Variants in WWOX observed in about 807,000 individuals in gnomAD.
WWOX encodes the protein WW domain containing oxidoreductase.
WWOX carries 69 observed loss-of-function variants against 46.2 expected under a neutral mutation model. The ratio of observed to expected loss-of-function variants is 1.49; its 90% CI spans 1.23 to 1.82. The LOEUF (loss-of-function observed/expected upper bound fraction) is 1.82. Ranked by LOEUF, WWOX falls within the 40% of genes most tolerant of loss-of-function variation. WWOX has a pLI of 0.00. For synonymous variants in WWOX, 359 were observed against 202.6 expected (o/e 1.77, Z -6.56); for missense variants, 919 against 542.6 (o/e 1.69, Z -6.89).
chr16:78,490,496 C>A (rs2084754650), intron 8 of WWOX, among the ~76,000 whole-genome samples: 1 of 152,140 alleles, frequency 6.6e-6, no homozygotes, highest in Non-Finnish European at 1.5e-5. Context: ...ACGGTTTTCA[C>A]AAGGAGGTCA....
intron 8 of WWOX, among the ~76,000 whole-genome samples, chr16:79,127,725 C>T (rs1003380042): frequency 2.6e-5 from 4 of 152,162 alleles, no homozygotes; most frequent in Admixed American, 6.5e-5. Flanking sequence ...TTTACATTCC[C>T]ACTAAGCAAC....
intron 6 of WWOX, among the ~76,000 whole-genome samples, chr16:78,405,410 C>A (rs751180293): frequency 3.3e-5 from 5 of 152,186 alleles, no homozygotes; most frequent in African/African-American, 4.8e-5. Flanking sequence ...TGGTGTCTGT[C>A]AAATTGTCGA....
chr16:78,927,130 G>A (rs1198784233), intron 8 of WWOX, among the ~76,000 whole-genome samples: 2 of 152,200 alleles, frequency 1.3e-5, no homozygotes, highest in Non-Finnish European at 2.9e-5. Flanking sequence ...AAGTCACTGT[G>A]ATGGTTTCTC....
intron 8 of WWOX, among the ~76,000 whole-genome samples, chr16:78,567,245 T>G (rs1051274908): frequency 2.0e-5 from 3 of 152,272 alleles, no homozygotes. Context: ...GCTCTTCCAC[T>G]GCCAAGAAGT....
chr16:78,495,142 G>GTTTTTTTTTTTTT (rs1567605681), intron 8 of WWOX, among the ~76,000 whole-genome samples: 1 of 46,918 alleles, frequency 2.1e-5, no homozygotes. Context: ...AGACTGTTGT[G>GTTTTTTTTTTTTT]TTCTTTTTTT....
chr16:78,914,066 A>T (rs2045182187), intron 8 of WWOX, among the ~76,000 whole-genome samples: 1 of 152,050 alleles, frequency 6.6e-6, no homozygotes, highest in African/African-American at 2.4e-5. Flanking sequence ...CTGCATTTGG[A>T]AATGGAGTAT....
chr16:78,740,929 T>C (rs552958989), intron 8 of WWOX, among the ~76,000 whole-genome samples: 5 of 152,160 alleles, frequency 3.3e-5, no homozygotes, highest in South Asian at 4.1e-4. Context: ...TAAGAGTTTA[T>C]TTTTTCACTA....
intron 8 of WWOX, among the ~76,000 whole-genome samples, chr16:79,171,940 G>A (rs773476773): frequency 3.9e-5 from 6 of 152,158 alleles, no homozygotes; most frequent in African/African-American, 4.8e-5. Flanking sequence ...CCTGCATTTC[G>A]ATATACGCAT....
intron 4 of WWOX, chr16:78,123,428 G>GTTTTTTTTTTTTTTTTTTTTTT (rs1330107026): frequency 1.6e-5 from 1 of 61,050 alleles, no homozygotes; most frequent in South Asian, 4.9e-4. Flanking sequence ...TTTTTTCTTT[G>GTTTTTTTTTTTTTTTTTTTTTT]TTTTTTGTTT....
At chr16:78,538,568 C>T (rs777554697) in intron 8 of WWOX, among the ~76,000 whole-genome samples, 1 of 152,176 alleles carries the variant, frequency 6.6e-6, no homozygotes, top group Non-Finnish European at 1.5e-5. Context: ...AACTCCTGAA[C>T]TGCTCATTCT....
At chr16:78,953,258 A>G (rs1330806354) in intron 8 of WWOX, among the ~76,000 whole-genome samples, 1 of 149,338 alleles carries the variant, frequency 6.7e-6, no homozygotes, top group Non-Finnish European at 1.5e-5. Flanking sequence ...ATATAGGATA[A>G]TAGATTTCTA....
At chr16:78,757,032 C>G (rs116332890) in intron 8 of WWOX, 38 of 702,744 alleles carry the variant, frequency 5.4e-5, no homozygotes, top group African/African-American at 3.1e-4. Flanking sequence ...GAACCACGTT[C>G]GAAGTTGATT....
intron 5 of WWOX, among the ~76,000 whole-genome samples, chr16:78,342,603 C>A (rs1192674059): frequency 1.7e-5 from 2 of 120,440 alleles, no homozygotes; most frequent in East Asian, 3.9e-4. Context: ...AGCCCAGAAG[C>A]ATGACTTCCA....
At position 78,935,567 on chromosome 16, in the gene WWOX, G is replaced by A. The variant is rs952718927; in HGVS notation, c.1057-276041G>A. 6.0e-5 allele frequency among the ~76,000 whole-genome samples: 9 copies of A among 150,176 alleles called. No individual in the cohort carries two copies. The East Asian group carries it at 1.6e-3, about 26-fold the overall frequency. The stretch of plus-strand genomic sequence containing the variant: ...TGGGAATTGAACAATGAGAACACTT[G>A]GACACAGGAAGGGGAACATCACACA... On this transcript the variant is annotated intron_variant, in intron 8 of 8. Transcript: ENST00000566780.
At chr16:78,325,788 A>G (rs1055469364) in intron 5 of WWOX, among the ~76,000 whole-genome samples, 5 of 152,208 alleles carry the variant, frequency 3.3e-5, no homozygotes, top group African/African-American at 1.2e-4. Context: ...GTTGCCCTGG[A>G]ATGGAAGGCA....
intron 8 of WWOX, among the ~76,000 whole-genome samples, chr16:78,536,030 G>A (rs1312737407): frequency 6.6e-6 from 1 of 152,216 alleles, no homozygotes; most frequent in African/African-American, 2.4e-5. Flanking sequence ...GGCTGTGGGA[G>A]CCATAATGGA....
intron 8 of WWOX, among the ~76,000 whole-genome samples, chr16:78,506,084 C>A (rs935190544): frequency 2.6e-5 from 4 of 152,330 alleles, no homozygotes; most frequent in Admixed American, 1.3e-4. Context: ...AAGAGCTCCT[C>A]GCTTGGCCAG....
intron 5 of WWOX, among the ~76,000 whole-genome samples, chr16:78,170,174 C>G (rs1227639410): frequency 6.6e-6 from 1 of 152,136 alleles, no homozygotes; most frequent in Admixed American, 6.6e-5. Context: ...CTTGGGGGTG[C>G]AAATCGTCCC....
At chr16:78,641,768 G>C (rs888562221) in intron 8 of WWOX, among the ~76,000 whole-genome samples, 1 of 152,130 alleles carries the variant, frequency 6.6e-6, no homozygotes, top group Non-Finnish European at 1.5e-5. Flanking sequence ...TTACCTGACA[G>C]AGCTCCCCTC....
Sources: gnomAD v4.1 joint callset for allele counts (sites outside exome capture counted in the v4.1 genomes callset) on GRCh38, gnomAD v4.1.1 for gene constraint, MANE v1.5 for transcripts, NCBI Gene and HGNC (gene_info 2026-07-23, HGNC 2026-07-21) for gene names.